The following PLBD2 variants were observed in gnomAD, a reference collection of about 807,000 sequenced individuals.
PLBD2 encodes putative aminopeptidase PLBD2.
PLBD2 carries 51 observed loss-of-function variants against 68.3 expected under a neutral mutation model. The ratio of observed to expected loss-of-function variants is 0.75; its 90% confidence interval spans 0.60 to 0.94. The LOEUF (loss-of-function observed/expected upper bound fraction) is 0.94, where lower values mean the gene tolerates loss of function less well. Ranked by LOEUF, PLBD2 falls within the 40% of genes least tolerant of loss-of-function variation. The pLI, the probability that PLBD2 is intolerant of heterozygous loss-of-function variation, is 0.00. For missense variants in PLBD2, 729 were observed against 792.2 expected, an observed-to-expected ratio of 0.92 and a Z score of 0.96; for synonymous variants, 314 against 339.3, an observed-to-expected ratio of 0.93 and a Z score of 0.82.
intron 9 of PLBD2, among the ~76,000 whole-genome samples, chr12:113,386,284 G>A (rs1356228887): frequency 2.0e-5 from 3 of 152,050 alleles, no homozygotes; most frequent in Non-Finnish European, 2.9e-5. Flanking sequence ...TGCTTCCCGG[G>A]TTCAAGCGAT....
chr12:113,382,868 T>TGTGTGTGTGTGTCTG (rs1491184280), intron 6 of PLBD2, among the ~76,000 whole-genome samples: 1 of 83,522 alleles, frequency 1.2e-5, no homozygotes, highest in African/African-American at 4.5e-5. Flanking sequence ...TGTGTGTGTG[T>TGTGTGTGTGTGTCTG]TTTTTTTTTT....
At chr12:113,374,735 G>T in intron 4 of PLBD2, 58 bp from the exon 5 acceptor site, 2 of 1,588,538 alleles carry the variant, frequency 1.3e-6, no homozygotes, top group Non-Finnish European at 8.6e-7. Flanking sequence ...TGCAAAATGA[G>T]TACATAACAG....
rs1957568940 is a variant in PLBD2, at chr12:113,387,911, T to C, written c.1602+5T>C. 1 of 1,613,922 alleles carries C rather than the reference T, an allele frequency of 6.2e-7. No individual in the cohort carries two copies. Among genetic ancestry groups the C allele is most frequent in the African/African-American group, 1.3e-5 (1 of 74,932 alleles). On this transcript the variant is annotated splice_donor_5th_base_variant and intron_variant, in intron 11 of 11. Coordinates refer to ENST00000280800, the MANE Select transcript of PLBD2 (RefSeq NM_173542.4). ...CATGGGGGTATCGATGTGAAGGTGCTGCCTCCTCCCTAGGGCCTGAGCTGT... is the reference window on the plus strand; with the variant it reads ...CATGGGGGTATCGATGTGAAGGTGCCGCCTCCTCCCTAGGGCCTGAGCTGT...
chr12:113,370,621 G>A (rs1957381662), intron 2 of PLBD2, among the ~76,000 whole-genome samples: 1 of 151,674 alleles, frequency 6.6e-6, no homozygotes, highest in African/African-American at 2.4e-5. Flanking sequence ...GGAATTACAG[G>A]CATGCACCAC....
Position 113,384,974 on chromosome 12 carries a change from G to A in PLBD2, c.1214+28G>A. On this transcript the variant is annotated intron_variant, in intron 8 of 11. Coordinates refer to ENST00000280800, the MANE Select transcript of PLBD2 (RefSeq NM_173542.4). This position sits in a 1 kb window ranked among gnomAD's most constrained non-coding sequence, Gnocchi z 4.2. ...GCGTACCCTGGGAGGGAGGGGTGGGGGCTCGGGGCAGAGGGGACTGCCAGG... is the reference window on the plus strand; with the variant it reads ...GCGTACCCTGGGAGGGAGGGGTGGGAGCTCGGGGCAGAGGGGACTGCCAGG... 1.9e-6 allele frequency: 3 copies of A among 1,579,526 alleles called. No individual in the cohort carries two copies. Among genetic ancestry groups the A allele is most frequent in the South Asian group, 1.1e-5 (1 of 88,366 alleles).
chr12:113,378,847 G>A (rs961827194), intron 5 of PLBD2, among the ~76,000 whole-genome samples: 1 of 152,058 alleles, frequency 6.6e-6, no homozygotes, highest in Non-Finnish European at 1.5e-5. Context: ...CCCCAACCTG[G>A]CTAATTTTGT....
Position 113,387,751 on chromosome 12 carries a change from G to A in PLBD2, c.1447G>A (p.Asp483Asn), listed in dbSNP as rs200223971. 48 of 1,613,728 alleles carry A rather than the reference G, an allele frequency of 3.0e-5. No homozygotes were observed. The highest frequency in any genetic ancestry group is 3.7e-5 in the Non-Finnish European group (44 of 1,179,780). The stretch of plus-strand genomic sequence containing the variant: ...CTCCTTTTCCCCATCCAGGTACAAT[G>A]ACTTCCTCCATGACCCTCTGTCACT... Reference protein sequence around the residue: ...DSMVRLMRYNDFLHDPLSLCK... With the variant: ...DSMVRLMRYNNFLHDPLSLCK... Residue 483 changes from aspartate to asparagine, a missense_variant, in exon 11 of 12, where the codon GAC becomes AAC. Asp to Asn is a conservative substitution (Grantham distance 23). Transcript: ENST00000280800.
intron 9 of PLBD2, 69 bp from the exon 10 acceptor site, chr12:113,386,868 C>T (rs1957557877): frequency 1.9e-6 from 3 of 1,569,806 alleles, no homozygotes; most frequent in African/African-American, 1.4e-5. Flanking sequence ...TGCCCCTCCC[C>T]TCCCTGGCCA....
chr12:113,388,601 C>T lies in PLBD2; in HGVS notation c.1745C>T (p.Ala582Val), dbSNP rs200560895. 232 of 1,595,524 alleles carry T rather than the reference C, an allele frequency of 1.5e-4. No homozygotes were observed. Among genetic ancestry groups the T allele is most frequent in the African/African-American group, 4.2e-4 (31 of 74,192 alleles). ...HMGQPDLWKFAPVKVSWD is the reference protein window; with the variant it reads ...HMGQPDLWKFVPVKVSWD ...GGCCAGCCAGACCTCTGGAAGTTCG[C>T]GCCTGTCAAGGTTTCATGGGACTGA... Residue 582 changes from alanine (A) to valine (V), a missense_variant, in exon 12 of 12, where the codon GCG becomes GTG. Coordinates refer to ENST00000280800, the MANE Select transcript of PLBD2 (RefSeq NM_173542.4).
intron 1 of PLBD2, among the ~76,000 whole-genome samples, chr12:113,361,617 G>T (rs1957298072): frequency 6.6e-6 from 1 of 152,036 alleles, no homozygotes; most frequent in Non-Finnish European, 1.5e-5. Flanking sequence ...CAAATGTTGG[G>T]ATTACAGATG....
At chr12:113,362,809 A>G (rs1377347689) in intron 1 of PLBD2, among the ~76,000 whole-genome samples, 2 of 150,484 alleles carry the variant, frequency 1.3e-5, no homozygotes, top group African/African-American at 4.9e-5. Context: ...TTTTTGAGAT[A>G]GAGTCTGCTC....
chr12:113,362,105 G>A (rs1165341495), intron 1 of PLBD2, among the ~76,000 whole-genome samples: 1 of 152,142 alleles, frequency 6.6e-6, no homozygotes, highest in Non-Finnish European at 1.5e-5. Flanking sequence ...CAATGTTTTG[G>A]GAGACCGAGG....
intron 1 of PLBD2, 135 bp downstream of exon 1, chr12:113,359,025 C>T: frequency 9.9e-7 from 1 of 1,008,262 alleles, no homozygotes; most frequent in Non-Finnish European, 1.4e-6. Flanking sequence ...ACTCCCGAGG[C>T]TGCAGCACCG....
At chr12:113,371,848 C>T (rs920365205) in intron 2 of PLBD2, among the ~76,000 whole-genome samples, 9 of 152,216 alleles carry the variant, frequency 5.9e-5, no homozygotes, top group African/African-American at 1.4e-4. Flanking sequence ...ACCCACGTCT[C>T]GCTCCTAACT....
rs970785145 is a variant in PLBD2 at position 113,384,538 on chromosome 12, T to A, written c.1118+273T>A. ...CAAGGGGACAGTGGGGAGGGCTGTT[T>A]GAGGAGGTGGACGTGGGTGGGTGGC... On this transcript the variant is annotated intron_variant, in intron 7 of 11. Transcript: ENST00000280800. The surrounding 1 kb of genome is among the most constrained non-coding windows in gnomAD (Gnocchi z 4.2). Among the ~76,000 whole-genome samples, 1 of 152,024 alleles carries A rather than the reference T, an allele frequency of 6.6e-6. No individual in the cohort carries two copies. Among genetic ancestry groups the A allele is most frequent in the African/African-American group, 2.4e-5 (1 of 41,404 alleles).
intron 10 of PLBD2, 123 bp from the exon 11 acceptor site, chr12:113,387,621 G>A (rs1957564105): frequency 9.2e-7 from 1 of 1,090,122 alleles, no homozygotes; most frequent in Non-Finnish European, 1.4e-6. Flanking sequence ...GTAGTGTGCA[G>A]TGGGAGGGGC....
At chr12:113,362,583 T>C (rs561198381) in intron 1 of PLBD2, among the ~76,000 whole-genome samples, 1 of 149,438 alleles carries the variant, frequency 6.7e-6, no homozygotes, top group African/African-American at 2.5e-5. Context: ...ATTTGGCCCA[T>C]AGATTTTCCA....
At position 113,388,862 on chromosome 12, in the gene PLBD2, C is replaced by G; in HGVS notation, c.*236C>G. 1 of 429,542 alleles carries G rather than the reference C, an allele frequency of 2.3e-6. No homozygotes were observed. Among genetic ancestry groups the G allele is most frequent in the Non-Finnish European group, 4.1e-6 (1 of 245,338 alleles). 26.6% of individuals were successfully genotyped at this position (429,542 alleles called of 1,614,324 possible). ...GTCTCTTCTGCCCTGCCCTAAATCTCCCACTCTCTGTTTCTGTCTGTTTCC... is the reference window on the plus strand; with the variant it reads ...GTCTCTTCTGCCCTGCCCTAAATCTGCCACTCTCTGTTTCTGTCTGTTTCC... On this transcript the variant is annotated 3_prime_UTR_variant, in exon 12 of 12. Transcript: ENST00000280800.
rs1234160785 is a variant in PLBD2, at chr12:113,386,972, A to C, written c.1322A>C (p.Gln441Pro). Residue 441 changes from glutamine (Q) to proline (P), a missense_variant, in exon 10 of 12, where the codon CAG (glutamine) becomes CCG (proline). By Grantham distance (76) the Gln-to-Pro change is moderately conservative. Coordinates refer to ENST00000280800, the MANE Select transcript of PLBD2 (RefSeq NM_173542.4). ...ACTGTGTTCAATGCCAGTGGGCTGCAGGCCCTAGTGGCCCAGTATGGGGAC... is the reference window on the plus strand; with the variant it reads ...ACTGTGTTCAATGCCAGTGGGCTGCCGGCCCTAGTGGCCCAGTATGGGGAC... ...FETVFNASGL[Q>P]ALVAQYGDWF... The C allele has an allele frequency of 6.2e-7, 1 of 1,613,152 alleles. No individual in the cohort carries two copies. Among genetic ancestry groups the C allele is most frequent in the Admixed American group, 1.7e-5 (1 of 59,814 alleles).
Sources: allele counts gnomAD v4.1 joint callset (sites outside exome capture counted in the v4.1 genomes callset), GRCh38; gene constraint gnomAD v4.1.1; non-coding constraint Gnocchi (gnomAD v3.1); transcripts MANE v1.5; gene names NCBI Gene and HGNC (gene_info 2026-07-23, HGNC 2026-07-21).